The following CCR3 variants were observed in gnomAD, a reference collection of about 807,000 sequenced individuals.
CCR3 encodes C-C chemokine receptor type 3.
For synonymous variants in CCR3, 203 were observed against 179.2 expected (o/e 1.13, Z -1.06); for missense variants, 419 against 437.5 (o/e 0.96, Z 0.38).
intron 1 of CCR3, chr3:46,264,745 G>T: frequency 2.5e-6 from 1 of 400,508 alleles, no homozygotes; most frequent in Non-Finnish European, 4.4e-6. Context: ...GATTTTTAAG[G>T]TATATGTAAA....
chr3:46,223,446 AG>A (rs1699859879), intron 2 of CCR3, among the ~76,000 whole-genome samples: 1 of 152,234 alleles, frequency 6.6e-6, no homozygotes, highest in Non-Finnish European at 1.5e-5. Flanking sequence ...TTTTCTCTCC[AG>A]CTAAATTGTA....
chr3:46,246,694 G>C (rs1183809104), intron 1 of CCR3, among the ~76,000 whole-genome samples: 2 of 152,006 alleles, frequency 1.3e-5, no homozygotes, highest in African/African-American at 2.4e-5. Context: ...ACAGGGGATG[G>C]GATAGCTTGG....
chr3:46,254,336 G>A (rs1386849913), intron 1 of CCR3, among the ~76,000 whole-genome samples: 1 of 152,166 alleles, frequency 6.6e-6, no homozygotes, highest in African/African-American at 2.4e-5. Context: ...AAAATTTAAA[G>A]TTGCAGAAGT....
At chr3:46,213,837 C>A (rs1229181426) in intron 2 of CCR3, among the ~76,000 whole-genome samples, 1 of 152,206 alleles carries the variant, frequency 6.6e-6, no homozygotes, top group African/African-American at 2.4e-5. Flanking sequence ...TTTTAATTTT[C>A]CACTGACCTT....
chr3:46,248,329 G>A (rs1362771188), intron 1 of CCR3, among the ~76,000 whole-genome samples: 1 of 152,328 alleles, frequency 6.6e-6, no homozygotes, highest in Middle Eastern at 3.4e-3. Context: ...GAAATGTAGA[G>A]AGTGAGTTGA....
chr3:46,241,569 T>C (rs1700086047), upstream of CCR3, among the ~76,000 whole-genome samples: 1 of 152,200 alleles, frequency 6.6e-6, no homozygotes, highest in Non-Finnish European at 1.5e-5. Context: ...ACTTTTCACA[T>C]ATTTATCTTA....
intron 2 of CCR3, among the ~76,000 whole-genome samples, chr3:46,219,672 C>T (rs1699812953): frequency 6.6e-6 from 1 of 152,050 alleles, no homozygotes; most frequent in South Asian, 2.1e-4. Flanking sequence ...ATAGAGAACC[C>T]AGAAATAAAG....
At chr3:46,232,958 G>A (rs182707215) in intron 2 of CCR3, among the ~76,000 whole-genome samples, 26 of 152,268 alleles carry the variant, frequency 1.7e-4, no homozygotes, top group African/African-American at 5.1e-4. Flanking sequence ...TCAGTCTCCC[G>A]AGTAGCTGGG....
At chr3:46,227,759 T>C (rs1467602106) in intron 2 of CCR3, among the ~76,000 whole-genome samples, 1 of 152,234 alleles carries the variant, frequency 6.6e-6, no homozygotes, top group Admixed American at 6.5e-5. Context: ...TAAATTTCCT[T>C]TGAGACTTCC....
intron 1 of CCR3, among the ~76,000 whole-genome samples, chr3:46,255,815 TAGTTTGA>T (rs1281517198): frequency 6.6e-6 from 1 of 152,144 alleles, no homozygotes; most frequent in Non-Finnish European, 1.5e-5. Context: ...ATTAATAGTG[TAGTTTGA>T]AGCTGGGTAA....
chr3:46,257,447 T>TC (rs1700450695), intron 1 of CCR3, among the ~76,000 whole-genome samples: 1 of 149,878 alleles, frequency 6.7e-6, no homozygotes, highest in South Asian at 2.1e-4. Context: ...TTTTTTTTTT[T>TC]TCTGGGAAAA....
chr3:46,246,983 G>A (rs994868087), intron 1 of CCR3, among the ~76,000 whole-genome samples: 5 of 151,912 alleles, frequency 3.3e-5, no homozygotes, highest in African/African-American at 7.3e-5. Context: ...GCCTGGATAT[G>A]GTTTTGTATG....
At chr3:46,232,334 T>C (rs1699974189) in intron 2 of CCR3, among the ~76,000 whole-genome samples, 1 of 152,122 alleles carries the variant, frequency 6.6e-6, no homozygotes, top group Non-Finnish European at 1.5e-5. Flanking sequence ...AAGATTTTGT[T>C]GGAAAAGCAC....
chr3:46,236,823 G>A (rs1373831370), intron 2 of CCR3, among the ~76,000 whole-genome samples: 3 of 152,182 alleles, frequency 2.0e-5, no homozygotes, highest in Admixed American at 2.0e-4. Flanking sequence ...ATAGCACATG[G>A]CTGAAGATTC....
At chr3:46,225,405 C>G (rs1699883296) in intron 2 of CCR3, among the ~76,000 whole-genome samples, 1 of 152,180 alleles carries the variant, frequency 6.6e-6, no homozygotes, top group African/African-American at 2.4e-5. Context: ...GTGGCACCTG[C>G]CTGTAATCCC....
upstream of CCR3, among the ~76,000 whole-genome samples, chr3:46,237,860 A>G (rs948751342): frequency 1.3e-5 from 2 of 152,196 alleles, no homozygotes; most frequent in Non-Finnish European, 2.9e-5. Context: ...ATTTGTTATG[A>G]AGCTACAGTA....
intron 2 of CCR3, among the ~76,000 whole-genome samples, chr3:46,237,397 T>A (rs1295216694): frequency 2.0e-5 from 3 of 152,218 alleles, no homozygotes; most frequent in Non-Finnish European, 4.4e-5. Flanking sequence ...GTCTCTTCAC[T>A]CCGTTGGTTG....
At chr3:46,233,223 G>A (rs1699986093) in intron 2 of CCR3, among the ~76,000 whole-genome samples, 1 of 152,172 alleles carries the variant, frequency 6.6e-6, no homozygotes, top group Non-Finnish European at 1.5e-5. Flanking sequence ...TGCTAGAGAG[G>A]GGCCCTGCTG....
chr3:46,265,456 G>A lies in CCR3; in HGVS notation c.298G>A (p.Val100Ile). The A allele has an allele frequency of 1.2e-6, 2 of 1,614,166 alleles. No homozygotes were observed. Among genetic ancestry groups the A allele is most frequent in the Non-Finnish European group, 1.7e-6 (2 of 1,180,014 alleles). ...WIHYVRGHNW[V>I]FGHGMCKLLS... ...CCACTATGTCAGGGGGCATAACTGG[G>A]TTTTTGGCCATGGCATGTGTAAGCT... The change falls in exon 2 of 2, where the codon GTT (valine) becomes ATT (isoleucine). Residue 100 changes from valine to isoleucine, a missense_variant. Transcript: ENST00000395940.
Sources: gnomAD v4.1 joint callset for allele counts (sites outside exome capture counted in the v4.1 genomes callset) on GRCh38, gnomAD v4.1.1 for gene constraint, MANE v1.5 for transcripts, NCBI Gene and HGNC (gene_info 2026-07-23, HGNC 2026-07-21) for gene names.